The following ECE1 variants were observed in gnomAD, a reference collection of about 807,000 sequenced individuals.
The protein encoded by ECE1 is endothelin-converting enzyme 1.
ECE1 carries 35 observed loss-of-function variants against 98.6 expected under a neutral mutation model. The ratio of observed to expected loss-of-function variants is 0.35; its 90% CI spans 0.27 to 0.47. The LOEUF (loss-of-function observed/expected upper bound fraction) is 0.47. Ranked by LOEUF, ECE1 falls within the 20% of genes least tolerant of loss-of-function variation. The pLI is 1.00. For missense variants in ECE1, 814 were observed against 1,025.3 expected, an observed-to-expected ratio of 0.79 and a Z score of 2.81; for synonymous variants, 394 against 407.1, an observed-to-expected ratio of 0.97 and a Z score of 0.39.
At chr1:21,306,329 T>C (rs1558425198) in intron 1 of ECE1, among the ~76,000 whole-genome samples, 2 of 147,566 alleles carry the variant, frequency 1.4e-5, no homozygotes, top group East Asian at 3.9e-4. Flanking sequence ...TTAAGTGTTT[T>C]TTTGTTTTTT....
chr1:21,222,730 T>C (rs2098169025), intron 17 of ECE1, among the ~76,000 whole-genome samples: 1 of 148,594 alleles, frequency 6.7e-6, no homozygotes, highest in Admixed American at 6.9e-5. Flanking sequence ...TAATCCCAGC[T>C]ACTCAGGAGG....
In ECE1 at chr1:21,225,593, G is replaced by A. The variant is rs1367296079; in HGVS notation, c.1850-153C>T. Among the ~76,000 whole-genome samples, 2 of 152,162 alleles carry A rather than the reference G, an allele frequency of 1.3e-5. No homozygotes were observed. The highest frequency in any genetic ancestry group is 2.4e-5 in the African/African-American group (1 of 41,446). ...GAGGTCCCTGTGAGTGCCGAGGGAC[G>A]TGGATGTGGTGGCCAGTCAGAGGCG... is the stretch of plus-strand genomic sequence containing the variant. On this transcript the variant is annotated intron_variant, in intron 16 of 18. Transcript: ENST00000374893. This position sits in a 1 kb window ranked among gnomAD's most constrained non-coding sequence, Gnocchi z 5.3.
intron 1 of ECE1, among the ~76,000 whole-genome samples, chr1:21,341,797 G>A (rs571853259): frequency 3.3e-5 from 5 of 151,856 alleles, no homozygotes; most frequent in African/African-American, 1.2e-4. Context: ...AAACAGTAAC[G>A]CTTCTCCCTA....
At chr1:21,242,631 T>G (rs1367957612) in intron 10 of ECE1, among the ~76,000 whole-genome samples, 2 of 152,172 alleles carry the variant, frequency 1.3e-5, no homozygotes, top group Non-Finnish European at 2.9e-5. Context: ...CAGAGACCCC[T>G]GCTCAGACCC....
At chr1:21,283,853 A>C (rs1022993243) in intron 2 of ECE1, among the ~76,000 whole-genome samples, 1 of 152,248 alleles carries the variant, frequency 6.6e-6, no homozygotes, top group Non-Finnish European at 1.5e-5. Context: ...ATGGAGTTTG[A>C]AAATGGAGTT....
chr1:21,281,392 T>C (rs2098254338), intron 2 of ECE1, among the ~76,000 whole-genome samples: 1 of 152,182 alleles, frequency 6.6e-6, no homozygotes, highest in Admixed American at 6.5e-5. Context: ...AATTAAAACT[T>C]CAGGCTGTGA....
Position 21,312,141 on chromosome 1 carries a change from AT to A in ECE1, c.4-21986del, listed in dbSNP as rs1378720409. ...CTGTCTCAAAAAAAAAAAAAAAAAA[AT>A]TTTTTTTTTAATTAGTCTGGTGTGG... On this transcript the variant is annotated intron_variant, in intron 1 of 18. Transcript: ENST00000415912. 7.2e-3 allele frequency among the ~76,000 whole-genome samples: 619 copies of A among 85,546 alleles called. 5 individuals are homozygous for A. The highest frequency in any genetic ancestry group is 0.035 in the African/African-American group (585 of 16,622). 56.1% of individuals were successfully genotyped at this position (85,546 alleles called of 152,430 possible).
rs2098204965 is a variant in ECE1 at position 21,247,227 on chromosome 1, T to C, written c.1157A>G (p.Asp386Gly). The C allele has an allele frequency of 1.2e-6, 2 of 1,614,042 alleles. No homozygotes were observed. Among genetic ancestry groups the C allele is most frequent in the African/African-American group, 1.3e-5 (1 of 74,928 alleles). ...EQISTLINTT[D>G]RCLLNNYMIW... is the part of the protein sequence containing the mutation. ...CCACTGGGGGTCCTCTTACCATCTG[T>C]CGGTGGTGTTGATGAGAGTGGAGAT... Residue 386 changes from aspartate to glycine, a missense_variant, in exon 9 of 19, where the codon GAC becomes GGC. Coordinates refer to ENST00000374893, the MANE Select transcript of ECE1 (RefSeq NM_001397.3).
intron 1 of ECE1, among the ~76,000 whole-genome samples, chr1:21,312,122 CAAAAAAAA>C (rs34057869): frequency 8.8e-6 from 1 of 113,630 alleles, no homozygotes; most frequent in Non-Finnish European, 1.8e-5. Flanking sequence ...GATTCTGTCT[CAAAAAAAA>C]AAAAAAAAAA....
chr1:21,275,140 A>T (rs1333614604), intron 3 of ECE1, among the ~76,000 whole-genome samples: 1 of 152,226 alleles, frequency 6.6e-6, no homozygotes, highest in East Asian at 1.9e-4. Flanking sequence ...TGCCCAGGAG[A>T]CAGGCTGAGA....
intron 14 of ECE1, among the ~76,000 whole-genome samples, chr1:21,229,303 C>G (rs910248980): frequency 1.3e-5 from 2 of 151,958 alleles, no homozygotes; most frequent in African/African-American, 2.4e-5. Flanking sequence ...CCCACCTCAG[C>G]CTCTCAAGTA....
At chr1:21,331,392 G>A (rs1482124586) in intron 1 of ECE1, among the ~76,000 whole-genome samples, 2 of 152,000 alleles carry the variant, frequency 1.3e-5, no homozygotes, top group Non-Finnish European at 2.9e-5. Flanking sequence ...GACAGAGTGA[G>A]ACTCTGTCTC....
rs1217181802 is a variant in ECE1 at position 21,327,309 on chromosome 1, C to T, written c.3+18067G>A. 6.6e-6 allele frequency among the ~76,000 whole-genome samples: 1 copy of T among 152,212 alleles called. No homozygotes were observed. The highest frequency in any genetic ancestry group is 1.5e-5 in the Non-Finnish European group (1 of 68,032). On this transcript the variant is annotated intron_variant, in intron 1 of 18. Transcript: ENST00000415912. The surrounding 1 kb of genome is among the most constrained non-coding windows in gnomAD (Gnocchi z 4.6). The stretch of plus-strand genomic sequence containing the variant: ...CGCTTGGACTGTGTGACTCCGGTGG[C>T]TCATGCAACCTTTCTGGGCTCTGTT...
intron 14 of ECE1, among the ~76,000 whole-genome samples, chr1:21,230,227 T>C (rs759845211): frequency 6.6e-5 from 10 of 152,102 alleles, no homozygotes; most frequent in Non-Finnish European, 1.2e-4. Context: ...TTCATGGATG[T>C]GGTTTCAGAT....
chr1:21,227,350 G>A, intron 15 of ECE1, 124 bp from the exon 16 acceptor site: 4 of 983,414 alleles, frequency 4.1e-6, no homozygotes, highest in Non-Finnish European at 4.8e-6. Flanking sequence ...GGCTCTGTGT[G>A]GATAAGGGTG....
At chr1:21,320,654 C>T (rs1168615625) in intron 1 of ECE1, among the ~76,000 whole-genome samples, 2 of 152,216 alleles carry the variant, frequency 1.3e-5, no homozygotes, top group Non-Finnish European at 2.9e-5. Context: ...CAGGGGGTCA[C>T]ACAGCTCCCT....
At chr1:21,271,048 C>CA (rs2098239618) in intron 4 of ECE1, among the ~76,000 whole-genome samples, 1 of 152,200 alleles carries the variant, frequency 6.6e-6, no homozygotes, top group South Asian at 2.1e-4. Context: ...CATGCCCTTT[C>CA]AAAGGCACTT....
chr1:21,344,273 A>AT (rs1168652891), intron 1 of ECE1, among the ~76,000 whole-genome samples: 2 of 152,162 alleles, frequency 1.3e-5, no homozygotes, highest in Non-Finnish European at 2.9e-5. Flanking sequence ...TCCTGCTCCC[A>AT]TCCAGGCGCC....
intron 1 of ECE1, among the ~76,000 whole-genome samples, chr1:21,329,781 C>T (rs960776562): frequency 1.3e-5 from 2 of 152,166 alleles, no homozygotes; most frequent in Admixed American, 6.5e-5. Context: ...AGACTGCCTA[C>T]AAGGCTAGTC....
Sources: gnomAD v4.1 joint callset for allele counts (sites outside exome capture counted in the v4.1 genomes callset) on GRCh38, gnomAD v4.1.1 for gene constraint, Gnocchi (gnomAD v3.1) non-coding constraint, MANE v1.5 for transcripts, NCBI Gene and HGNC (gene_info 2026-07-23, HGNC 2026-07-21) for gene names.